Variants in PRKD3 observed in about 807,000 individuals in gnomAD.
PRKD3 encodes protein kinase D3, also known as serine/threonine-protein kinase D3.
In PRKD3, 47 loss-of-function variants were observed where a neutral mutation model predicts 99.2. The ratio of observed to expected loss-of-function variants is 0.47; its 90% CI spans 0.38 to 0.60. The LOEUF (loss-of-function observed/expected upper bound fraction) is 0.60, where lower values mean the gene tolerates loss of function less well. Ranked by LOEUF, PRKD3 falls within the 20% of genes least tolerant of loss-of-function variation. The pLI is 0.00. For missense variants in PRKD3, 1,019 were observed against 1,088.4 expected, an observed-to-expected ratio of 0.94 and a Z score of 0.90; for synonymous variants, 392 against 355.4, an observed-to-expected ratio of 1.10 and a Z score of -1.16.
At chr2:37,290,761 C>A in intron 4 of PRKD3, 107 bp downstream of exon 4, 1 of 1,258,160 alleles carries the variant, frequency 7.9e-7, no homozygotes, top group East Asian at 2.4e-5. Flanking sequence ...TCTAAATCCT[C>A]GTTACCACCC....
intron 1 of PRKD3, among the ~76,000 whole-genome samples, chr2:37,320,422 A>ATTT (rs1671830587): frequency 9.2e-6 from 1 of 108,496 alleles, no homozygotes; most frequent in East Asian, 4.3e-4. Flanking sequence ...CAAGTTAACG[A>ATTT]CTTTTTTTTT....
At position 37,281,749 on chromosome 2, in the gene PRKD3, A is replaced by T. The variant is rs546849415; in HGVS notation, c.988+793T>A. Among the ~76,000 whole-genome samples, 40 of 152,288 alleles carry T rather than the reference A, an allele frequency of 2.6e-4. 1 individual carries two copies. The South Asian group carries it at 8.1e-3, about 31-fold the overall frequency. On this transcript the variant is annotated intron_variant, in intron 7 of 18. Coordinates refer to ENST00000234179, the MANE Select transcript of PRKD3 (RefSeq NM_005813.6). The stretch of plus-strand genomic sequence containing the variant: ...CCACAGAAAACAAGCCACAAGAGAA[A>T]ATGTTAATTAAACTCTCCCCAAGAG...
At chr2:37,289,644 C>G (rs1185460929) in intron 4 of PRKD3, 131 bp from the exon 5 acceptor site, 2 of 712,054 alleles carry the variant, frequency 2.8e-6, no homozygotes, top group Non-Finnish European at 4.4e-6. Flanking sequence ...ATTAAGAACC[C>G]AGACAGCAGG....
At chr2:37,302,290 C>T (rs1052225054) in intron 2 of PRKD3, among the ~76,000 whole-genome samples, 3 of 152,182 alleles carry the variant, frequency 2.0e-5, no homozygotes, top group Admixed American at 6.5e-5. Flanking sequence ...GTGCCGATGA[C>T]CCCTCTTGAC....
chr2:37,300,845 G>A (rs997824800), intron 2 of PRKD3, among the ~76,000 whole-genome samples: 6 of 152,128 alleles, frequency 3.9e-5, no homozygotes, highest in East Asian at 3.8e-4. Context: ...CAAAGAAAAC[G>A]CATATTTGAA....
intron 13 of PRKD3, 28 bp downstream of exon 13, chr2:37,269,587 C>G: frequency 6.4e-7 from 1 of 1,574,602 alleles, no homozygotes; most frequent in Non-Finnish European, 8.7e-7. Context: ...ATAATGTGTA[C>G]AATATGCAAA....
chr2:37,259,744 C>G, intron 15 of PRKD3, 63 bp from the exon 16 acceptor site: 1 of 1,123,122 alleles, frequency 8.9e-7, no homozygotes, highest in Non-Finnish European at 1.3e-6. Context: ...TCATGTGACT[C>G]CTTGAATGAT....
chr2:37,262,691 C>G (rs1442663988), intron 14 of PRKD3, among the ~76,000 whole-genome samples: 11 of 152,104 alleles, frequency 7.2e-5, no homozygotes, highest in African/African-American at 2.7e-4. Flanking sequence ...TCCCCCCTGC[C>G]CTCCTTTAAA....
At chr2:37,303,510 A>T (rs1041363304) in intron 2 of PRKD3, among the ~76,000 whole-genome samples, 5 of 151,878 alleles carry the variant, frequency 3.3e-5, no homozygotes, top group Non-Finnish European at 5.9e-5. Context: ...CCACAACCTA[A>T]GTGCCGCTGT....
intron 2 of PRKD3, among the ~76,000 whole-genome samples, chr2:37,306,604 T>C (rs1336148058): frequency 6.6e-6 from 1 of 151,296 alleles, no homozygotes; most frequent in East Asian, 1.9e-4. Flanking sequence ...AGCCCGAGAG[T>C]TCAAGACCAG....
intron 4 of PRKD3, 111 bp downstream of exon 4, chr2:37,290,757 T>A: frequency 4.9e-6 from 6 of 1,227,518 alleles, no homozygotes; most frequent in Non-Finnish European, 5.7e-6. Context: ...CAATTCTAAA[T>A]CCTCGTTACC....
At chr2:37,269,770 TCAATA>T (rs1215936937) in intron 12 of PRKD3, 83 bp from the exon 13 acceptor site, 13 of 946,014 alleles carry the variant, frequency 1.4e-5, no homozygotes, top group Non-Finnish European at 2.1e-5. Context: ...TCCAAATACT[TCAATA>T]CATTTTTATG....
At chr2:37,268,410 G>C (rs1035435307) in intron 13 of PRKD3, 1 of 464,534 alleles carries the variant, frequency 2.2e-6, no homozygotes, top group East Asian at 7.0e-5. Flanking sequence ...TATGCATGCA[G>C]AGTCAACACA....
intron 3 of PRKD3, 142 bp downstream of exon 3, chr2:37,292,991 C>G (rs1670505449): frequency 1.0e-6 from 1 of 963,666 alleles, no homozygotes; most frequent in Admixed American, 2.6e-5. Flanking sequence ...AAGGAAAAAT[C>G]ATATGGTGAC....
At chr2:37,309,262 C>A (rs1040599402) in intron 2 of PRKD3, among the ~76,000 whole-genome samples, 1 of 152,094 alleles carries the variant, frequency 6.6e-6, no homozygotes, top group African/African-American at 2.4e-5. Context: ...TATTTATGCA[C>A]TCTTGGTTAG....
chr2:37,293,611 C>G (rs1670545504), intron 2 of PRKD3, among the ~76,000 whole-genome samples: 1 of 152,190 alleles, frequency 6.6e-6, no homozygotes. Context: ...AGCAGTCGTT[C>G]CAGCGCCTTA....
At chr2:37,323,070 A>T (rs1000371138) in intron 1 of PRKD3, among the ~76,000 whole-genome samples, 5 of 150,468 alleles carry the variant, frequency 3.3e-5, no homozygotes, top group African/African-American at 4.8e-5. Flanking sequence ...TTCGTAATTT[A>T]AAAAAATGTA....
At chr2:37,287,658 A>G (rs1001478744) in intron 5 of PRKD3, among the ~76,000 whole-genome samples, 2 of 152,146 alleles carry the variant, frequency 1.3e-5, no homozygotes, top group Admixed American at 1.3e-4. Context: ...GTTTTATTCA[A>G]TTTTGTGTCC....
At position 37,250,572 on chromosome 2, in the gene PRKD3, T is replaced by C. The variant is rs939713470; in HGVS notation, c.*2605A>G. 3 of 152,172 alleles carry C rather than the reference T, an allele frequency of 2.0e-5. No individual in the cohort carries two copies. Among genetic ancestry groups the C allele is most frequent in the Admixed American group, 1.3e-4 (2 of 15,284 alleles). The allele number at this position is 152,172 out of a possible 1,614,324, so 9.4% of individuals were successfully genotyped here. A position where few individuals can be genotyped will look rare whatever the true frequency, so the allele number is the denominator to read the frequency against. On this transcript the variant is annotated 3_prime_UTR_variant, in exon 19 of 19. Coordinates refer to ENST00000234179, the MANE Select transcript of PRKD3 (RefSeq NM_005813.6). ...TTAAAAAAAAATCAGTGTTTTTAAA[T>C]ATAGCATTAGTTCCATTTACAAATA...
Sources: gnomAD v4.1 joint callset for allele counts (sites outside exome capture counted in the v4.1 genomes callset) on GRCh38, gnomAD v4.1.1 for gene constraint, MANE v1.5 for transcripts, NCBI Gene and HGNC (gene_info 2026-07-23, HGNC 2026-07-21) for gene names.